The following GPC5 variants were observed in gnomAD, a reference collection of about 807,000 sequenced individuals.
GPC5 encodes the protein glypican-5.
A neutral mutation model predicts 53.9 loss-of-function variants in GPC5; 47 were observed. That is an observed-to-expected ratio of 0.87 (90% CI 0.69 to 1.11). GPC5 has a LOEUF of 1.11. Among genes scored for constraint, GPC5 ranks in the 50% most tolerant of loss-of-function variants. GPC5 has a pLI of 0.00. For synonymous variants in GPC5, 286 were observed against 263.3 expected (o/e 1.09, Z -0.84); for missense variants, 748 against 713.1 (o/e 1.05, Z -0.56).
chr13:91,682,529 T>C (rs937703629), intron 2 of GPC5, among the ~76,000 whole-genome samples: 4 of 152,146 alleles, frequency 2.6e-5, no homozygotes, highest in Non-Finnish European at 4.4e-5. Context: ...GGGACTAGCA[T>C]CTAATTATAG....
intron 7 of GPC5, among the ~76,000 whole-genome samples, chr13:92,602,233 C>CAGATATATAT (rs1884092431): frequency 8.4e-6 from 1 of 119,496 alleles, no homozygotes; most frequent in African/African-American, 3.4e-5. Context: ...ATATATATAA[C>CAGATATATAT]ATATATATAT....
chr13:92,233,775 A>G (rs1465984369), intron 7 of GPC5, among the ~76,000 whole-genome samples: 1 of 152,088 alleles, frequency 6.6e-6, no homozygotes, highest in Non-Finnish European at 1.5e-5. Context: ...GTCATTTAAC[A>G]TTAGGTATAT....
intron 1 of GPC5, among the ~76,000 whole-genome samples, chr13:91,409,609 C>T (rs1303570660): frequency 1.3e-5 from 2 of 152,336 alleles, no homozygotes; most frequent in African/African-American, 2.4e-5. Flanking sequence ...GCAGACTTGT[C>T]ACCTTATTTG....
intron 7 of GPC5, among the ~76,000 whole-genome samples, chr13:92,362,813 G>C (rs1444969005): frequency 6.6e-6 from 1 of 151,718 alleles, no homozygotes; most frequent in Non-Finnish European, 1.5e-5. Context: ...TAGGGGTAAA[G>C]AATATCTCCT....
At chr13:91,657,449 T>G (rs1821930161) in intron 2 of GPC5, among the ~76,000 whole-genome samples, 1 of 152,098 alleles carries the variant, frequency 6.6e-6, no homozygotes, top group Admixed American at 6.6e-5. Flanking sequence ...TCAAGATAAT[T>G]TTAGTTGTCA....
intron 7 of GPC5, among the ~76,000 whole-genome samples, chr13:92,288,174 T>C (rs990086195): frequency 3.3e-5 from 5 of 152,182 alleles, no homozygotes; most frequent in Admixed American, 3.3e-4. Flanking sequence ...TTAGTTTCTT[T>C]CTATGATTTT....
chr13:92,732,869 T>G (rs1307870343), intron 7 of GPC5, among the ~76,000 whole-genome samples: 1 of 151,690 alleles, frequency 6.6e-6, no homozygotes, highest in Non-Finnish European at 1.5e-5. Context: ...TAATTCCTGA[T>G]GTGATCATTT....
intron 2 of GPC5, among the ~76,000 whole-genome samples, chr13:91,487,987 A>C (rs1883714128): frequency 6.6e-6 from 1 of 152,144 alleles, no homozygotes. Context: ...ATGTATAAAA[A>C]ATGAACAAGA....
rs138989837 is a variant in GPC5 at position 92,042,221 on chromosome 13, C to G, written c.1402-102609C>G. 4.6e-3 allele frequency among the ~76,000 whole-genome samples: 700 copies of G among 152,240 alleles called. 8 individuals carry two copies. The highest frequency in any genetic ancestry group is 0.016 in the African/African-American group (666 of 41,538). ...TTGATTCCCTATCCGTGGAACTTAACAACCACATATAGGTTTTTGGCTACA... is the reference window on the plus strand; with the variant it reads ...TTGATTCCCTATCCGTGGAACTTAAGAACCACATATAGGTTTTTGGCTACA... On this transcript the variant is annotated intron_variant, in intron 6 of 7. Coordinates refer to ENST00000377067, the MANE Select transcript of GPC5 (RefSeq NM_004466.6).
At chr13:91,517,006 A>G (rs2139353144) in intron 2 of GPC5, among the ~76,000 whole-genome samples, 1 of 152,226 alleles carries the variant, frequency 6.6e-6, no homozygotes, top group East Asian at 1.9e-4. Flanking sequence ...GGGACCCTGG[A>G]TCTGGCCCAT....
At chr13:91,846,489 G>T (rs2138881901) in intron 5 of GPC5, among the ~76,000 whole-genome samples, 1 of 151,966 alleles carries the variant, frequency 6.6e-6, no homozygotes, top group East Asian at 1.9e-4. Context: ...AACTGAAGTT[G>T]ATGGTCAAGT....
intron 2 of GPC5, among the ~76,000 whole-genome samples, chr13:91,683,380 C>T (rs575280289): frequency 2.0e-4 from 31 of 152,276 alleles, no homozygotes; most frequent in African/African-American, 6.5e-4. Flanking sequence ...AGAAGGCATA[C>T]TTTTCTGTTA....
intron 6 of GPC5, among the ~76,000 whole-genome samples, chr13:91,949,982 G>A (rs934828932): frequency 6.6e-6 from 1 of 152,142 alleles, no homozygotes; most frequent in African/African-American, 2.4e-5. Context: ...TAGGAGAAGA[G>A]CCTTTGTTTA....
chr13:92,853,575 A>G (rs2138847345), intron 7 of GPC5, among the ~76,000 whole-genome samples: 1 of 152,280 alleles, frequency 6.6e-6, no homozygotes, highest in South Asian at 2.1e-4. Flanking sequence ...ACAATAACAC[A>G]AGTTCCACTT....
chr13:92,778,988 C>CATAT (rs768621109), intron 7 of GPC5, among the ~76,000 whole-genome samples: 1 of 150,354 alleles, frequency 6.7e-6, no homozygotes, highest in Non-Finnish European at 1.5e-5. Flanking sequence ...CACACACACA[C>CATAT]ATATATATAT....
chr13:91,554,326 C>T (rs773937940), intron 2 of GPC5, among the ~76,000 whole-genome samples: 7 of 151,668 alleles, frequency 4.6e-5, no homozygotes, highest in African/African-American at 1.5e-4. Context: ...AACACATGCA[C>T]GTGGACACAT....
chr13:91,695,529 A>G (rs1311757067), intron 3 of GPC5, among the ~76,000 whole-genome samples: 1 of 152,002 alleles, frequency 6.6e-6, no homozygotes, highest in Non-Finnish European at 1.5e-5. Context: ...GCCCACTACC[A>G]TGCCCAACTA....
intron 2 of GPC5, among the ~76,000 whole-genome samples, chr13:91,609,626 G>T (rs988789607): frequency 1.3e-5 from 2 of 152,176 alleles, no homozygotes; most frequent in Non-Finnish European, 2.9e-5. Flanking sequence ...TCACAGATAG[G>T]CAGTGAGGAT....
At chr13:91,949,641 T>C (rs2040008120) in intron 6 of GPC5, among the ~76,000 whole-genome samples, 1 of 152,110 alleles carries the variant, frequency 6.6e-6, no homozygotes, top group African/African-American at 2.4e-5. Context: ...AGAAAGCAAG[T>C]GAAATGCTTA....
Sources: gnomAD v4.1 joint callset for allele counts (sites outside exome capture counted in the v4.1 genomes callset) on GRCh38, gnomAD v4.1.1 for gene constraint, MANE v1.5 for transcripts, NCBI Gene and HGNC (gene_info 2026-07-23, HGNC 2026-07-21) for gene names.